ANO3: variants seen among roughly 807,000 people sequenced by gnomAD.
ANO3 encodes the protein anoctamin 3, also known as anoctamin-3.
A neutral mutation model predicts 144.8 loss-of-function variants in ANO3; 99 were observed. The ratio of observed to expected loss-of-function variants is 0.68; its 90% CI spans 0.58 to 0.81. The LOEUF is 0.81. Among genes scored for constraint, ANO3 ranks in the 30% least tolerant of loss-of-function variants. The pLI is 0.00. For synonymous variants in ANO3, 414 were observed against 392.6 expected (o/e 1.05, Z -0.64); for missense variants, 905 against 1,202.2 (o/e 0.75, Z 3.66).
intron 1 of ANO3, among the ~76,000 whole-genome samples, chr11:26,391,489 T>C (rs1180043832): frequency 6.6e-6 from 1 of 152,132 alleles, no homozygotes; most frequent in African/African-American, 2.4e-5. Flanking sequence ...AAACATTGAT[T>C]TCTGATCCTT....
intron 14 of ANO3, chr11:26,561,026 A>G (rs376383320): frequency 6.3e-7 from 1 of 1,578,374 alleles, no homozygotes; most frequent in African/African-American, 1.4e-5. Flanking sequence ...GCTAGGATGT[A>G]GATGACACTT....
chr11:26,365,954 TTATA>T (rs1158168765), intron 1 of ANO3, among the ~76,000 whole-genome samples: 106 of 54,352 alleles, frequency 2.0e-3, no homozygotes, highest in African/African-American at 6.6e-3. Context: ...CATTTTTTCT[TTATA>T]TATATATATA....
chr11:26,336,251 G>T (rs1855189840), intron 1 of ANO3, among the ~76,000 whole-genome samples: 1 of 152,122 alleles, frequency 6.6e-6, no homozygotes, highest in Non-Finnish European at 1.5e-5. Context: ...GCTTCTGGTG[G>T]CTGCTCTTTA....
At chr11:26,254,362 T>A (rs1853007397) in intron 1 of ANO3, among the ~76,000 whole-genome samples, 1 of 152,102 alleles carries the variant, frequency 6.6e-6, no homozygotes. Context: ...AAAAATAACA[T>A]CAGAGCGGCA....
intron 1 of ANO3, among the ~76,000 whole-genome samples, chr11:26,440,441 A>C (rs752701306): frequency 7.9e-5 from 12 of 152,174 alleles, no homozygotes; most frequent in Middle Eastern, 3.2e-3. Context: ...TAAAAGCTAA[A>C]TTCTTTTTAA....
chr11:26,562,083 G>A (rs1279009197), intron 14 of ANO3, among the ~76,000 whole-genome samples: 3 of 151,834 alleles, frequency 2.0e-5, no homozygotes, highest in African/African-American at 7.3e-5. Context: ...TATCACAGCA[G>A]TTTAGATTGT....
chr11:26,387,651 G>A (rs1440943353), intron 1 of ANO3, among the ~76,000 whole-genome samples: 4 of 151,996 alleles, frequency 2.6e-5, no homozygotes, highest in Middle Eastern at 3.2e-3. Flanking sequence ...ATCTAAACCT[G>A]TGGTTTTTCC....
At chr11:26,297,645 A>G (rs1854124058) in intron 1 of ANO3, among the ~76,000 whole-genome samples, 1 of 152,190 alleles carries the variant, frequency 6.6e-6, no homozygotes, top group South Asian at 2.1e-4. Flanking sequence ...CTCAACTTGT[A>G]TAGTTTGTAA....
chr11:26,239,562 C>G (rs2133809707), intron 1 of ANO3, among the ~76,000 whole-genome samples: 2 of 152,260 alleles, frequency 1.3e-5, no homozygotes, highest in Middle Eastern at 6.8e-3. Flanking sequence ...GAGATTTTTC[C>G]TTTCTTGCTA....
intron 1 of ANO3, among the ~76,000 whole-genome samples, chr11:26,262,503 T>C (rs1853212746): frequency 6.6e-6 from 1 of 152,156 alleles, no homozygotes; most frequent in South Asian, 2.1e-4. Flanking sequence ...ATGACAATCA[T>C]TGACATTATA....
In ANO3 at chr11:26,244,081, C is replaced by T. The variant is rs374094564; in HGVS notation, c.154+54751C>T. On this transcript the variant is annotated intron_variant, in intron 1 of 27. Transcript: ENST00000672621. ...GCAGTGAGCTGAGATTGTGCCACTG[C>T]ACTCCAACCTCAGCAACATAGCAAG... Among the ~76,000 whole-genome samples the T allele has an allele frequency of 6.9e-5, 10 of 145,206 alleles. No individual in the cohort carries two copies. The East Asian group carries it at 2.0e-3, about 29-fold the overall frequency.
Position 26,298,785 on chromosome 11 carries a change from T to C in ANO3, c.155-10860T>C, listed in dbSNP as rs570826200. On this transcript the variant is annotated intron_variant, in intron 1 of 27. Coordinates refer to the ANO3 transcript ENST00000672621. The stretch of plus-strand genomic sequence containing the variant: ...AGAAGTCATGGTTAGATTTCGGACA[T>C]ACTTGAAAGTAGAATGAATGAGTGT... 2.0e-5 allele frequency among the ~76,000 whole-genome samples: 3 copies of C among 152,314 alleles called. No individual in the cohort carries two copies. In the East Asian group the frequency reaches 5.8e-4, roughly 29 times the overall value.
intron 1 of ANO3, chr11:26,285,825 T>C (rs1217555402): frequency 9.2e-5 from 14 of 152,176 alleles, no homozygotes; most frequent in Non-Finnish European, 2.1e-4. Context: ...AGAAGCAGCA[T>C]TGCAGCAGTT....
chr11:26,236,273 T>C (rs1852519799), intron 1 of ANO3, among the ~76,000 whole-genome samples: 1 of 152,166 alleles, frequency 6.6e-6, no homozygotes, highest in African/African-American at 2.4e-5. Flanking sequence ...CTGAAGTTGT[T>C]GGATCAAAAT....
At chr11:26,636,550 T>C (rs1183698795) in intron 20 of ANO3, among the ~76,000 whole-genome samples, 1 of 152,238 alleles carries the variant, frequency 6.6e-6, no homozygotes, top group Non-Finnish European at 1.5e-5. Context: ...AGTTCTATTA[T>C]TATATCCATT....
At chr11:26,202,267 CT>C (rs1347516260) in intron 1 of ANO3, among the ~76,000 whole-genome samples, 17 of 142,432 alleles carry the variant, frequency 1.2e-4, no homozygotes, top group East Asian at 2.0e-4. Context: ...ATATTAATAT[CT>C]ATATAATATA....
At chr11:26,465,316 A>ATAGG (rs1859564505) in intron 4 of ANO3, among the ~76,000 whole-genome samples, 1 of 150,950 alleles carries the variant, frequency 6.6e-6, no homozygotes, top group African/African-American at 2.4e-5. Flanking sequence ...AGATAGATAG[A>ATAGG]TAGTTAAATT....
intron 10 of ANO3, among the ~76,000 whole-genome samples, chr11:26,539,830 G>T (rs1004530922): frequency 2.0e-5 from 3 of 152,072 alleles, no homozygotes; most frequent in African/African-American, 7.2e-5. Context: ...GTTGACTCTC[G>T]TAAAACCCCT....
intron 1 of ANO3, among the ~76,000 whole-genome samples, chr11:26,205,346 G>C (rs12225190): frequency 0.015 from 2,324 of 152,272 alleles, 51 homozygotes; most frequent in East Asian, 0.13. Flanking sequence ...GGTCCTAAGA[G>C]TTAGGTATCA....
Sources: gnomAD v4.1 joint callset for allele counts (sites outside exome capture counted in the v4.1 genomes callset) on GRCh38, gnomAD v4.1.1 for gene constraint, MANE v1.5 for transcripts, NCBI Gene and HGNC (gene_info 2026-07-23, HGNC 2026-07-21) for gene names.